Variants in SKIL observed in about 807,000 individuals in gnomAD.
The protein encoded by SKIL is ski-like protein.
Under a neutral mutation model 69.6 loss-of-function variants are expected in SKIL, and 20 were observed. The observed-to-expected ratio is 0.29, with a 90% CI of 0.20 to 0.42. The LOEUF is 0.42. SKIL is among the 10% of genes least tolerant of loss of function. The pLI is 1.00. For missense variants in SKIL, 745 were observed against 783.1 expected (o/e 0.95, Z 0.58); for synonymous variants, 310 against 279.9 (o/e 1.11, Z -1.08).
In SKIL at chr3:170,395,918, ATTT is replaced by A. The variant is rs34350658; in HGVS notation, c.*3509_*3511del. On this transcript the variant is annotated 3_prime_UTR_variant, in exon 7 of 7. Transcript: ENST00000259119. ...ATTGTGGAATTGAATAAACAGCCTAATTTTTTTTTTCTAGTATAGGGTACTTAA... is the reference window on the plus strand; with the variant it reads ...ATTGTGGAATTGAATAAACAGCCTAATTTTTTTCTAGTATAGGGTACTTAA... 2 of 149,364 alleles carry A rather than the reference ATTT, an allele frequency of 1.3e-5. No individual in the cohort carries two copies. The highest frequency in any genetic ancestry group is 1.5e-5 in the Non-Finnish European group (1 of 67,350). 9.3% of individuals were successfully genotyped at this position (149,364 alleles called of 1,614,324 possible).
At position 170,396,357 on chromosome 3, in the gene SKIL, AT is replaced by A. The variant is rs1265287085; in HGVS notation, c.*3944del. 4 of 152,206 alleles carry A rather than the reference AT, an allele frequency of 2.6e-5. No homozygotes were observed. The highest frequency in any genetic ancestry group is 9.6e-5 in the African/African-American group (4 of 41,544). 9.4% of individuals were successfully genotyped at this position (152,206 alleles called of 1,614,324 possible). A position where few individuals can be genotyped will look rare whatever the true frequency, so the allele number is the denominator to read the frequency against. On this transcript the variant is annotated 3_prime_UTR_variant, in exon 7 of 7. Coordinates refer to ENST00000259119, the MANE Select transcript of SKIL (RefSeq NM_005414.5). Reference sequence around the variant, plus strand: ...GAGGAATTAGTTTATGAGAAATAAAATTTTACTTGTTTTTACTATCCTGTTA... The same window carrying A: ...GAGGAATTAGTTTATGAGAAATAAAATTTACTTGTTTTTACTATCCTGTTA...
intron 2 of SKIL, among the ~76,000 whole-genome samples, chr3:170,378,261 C>A (rs551127279): frequency 6.6e-6 from 1 of 152,174 alleles, no homozygotes; most frequent in Non-Finnish European, 1.5e-5. Context: ...ATTCTAAGAG[C>A]GGTTTCCTTT....
In SKIL at chr3:170,394,196, G is replaced by A. The variant is rs1056940247; in HGVS notation, c.*1779G>A. ...GGCTGGAGTTCAGTGGTGCAATCTC[G>A]GCTCACTGCAAGCTCTGCCTCCTGG... On this transcript the variant is annotated 3_prime_UTR_variant, in exon 7 of 7. Transcript: ENST00000259119. The A allele has an allele frequency of 7.8e-6, 1 of 128,314 alleles. No individual in the cohort carries two copies. Among genetic ancestry groups the A allele is most frequent in the Non-Finnish European group, 1.5e-5 (1 of 65,000 alleles). The allele number at this position is 128,314 out of a possible 1,614,324, so 7.9% of individuals were successfully genotyped here. A position where few individuals can be genotyped will look rare whatever the true frequency, so the allele number is the denominator to read the frequency against.
chr3:170,386,670 G>C (rs1353401050), intron 4 of SKIL, among the ~76,000 whole-genome samples: 1 of 151,854 alleles, frequency 6.6e-6, no homozygotes, highest in African/African-American at 2.4e-5. Flanking sequence ...GGGTCTCACT[G>C]TATTGCCCAG....
chr3:170,358,751 C>T (rs1460142581), intron 1 of SKIL: 2 of 152,170 alleles, frequency 1.3e-5, no homozygotes, highest in African/African-American at 2.4e-5. Flanking sequence ...TTTCCCTCTT[C>T]CTCCATTTGC....
chr3:170,376,447 C>T (rs190033081), intron 2 of SKIL, among the ~76,000 whole-genome samples: 15 of 152,126 alleles, frequency 9.9e-5, no homozygotes, highest in Non-Finnish European at 1.5e-4. Flanking sequence ...ATGTTCTACC[C>T]GTTAAGCTAC....
At chr3:170,370,178 G>T (rs1736731783) in intron 2 of SKIL, among the ~76,000 whole-genome samples, 1 of 152,140 alleles carries the variant, frequency 6.6e-6, no homozygotes, top group African/African-American at 2.4e-5. Context: ...GGCGGAGCTT[G>T]CAGTGAGCCG....
At chr3:170,376,516 A>G (rs898327204) in intron 2 of SKIL, among the ~76,000 whole-genome samples, 1 of 152,204 alleles carries the variant, frequency 6.6e-6, no homozygotes, top group Non-Finnish European at 1.5e-5. Flanking sequence ...AAATGTCTGA[A>G]AAAGTTTTGA....
At position 170,381,141 on chromosome 3, in the gene SKIL, T is replaced by C. The variant is rs564562861; in HGVS notation, c.1099-103T>C. Reference sequence around the variant, plus strand: ...TGTGCGTGGCATGATGACTCTTAAATAATGTTAGTTGTCTTTACCCAGTGG... The same window carrying C: ...TGTGCGTGGCATGATGACTCTTAAACAATGTTAGTTGTCTTTACCCAGTGG... On this transcript the variant is annotated intron_variant, in intron 2 of 6. Coordinates refer to ENST00000259119, the MANE Select transcript of SKIL (RefSeq NM_005414.5). 8 of 703,596 alleles carry C rather than the reference T, an allele frequency of 1.1e-5. No homozygotes were observed. In the Admixed American group the frequency reaches 1.6e-4, roughly 14 times the overall value. The allele number at this position is 703,596 out of a possible 1,614,324, so 43.6% of individuals were successfully genotyped here.
At chr3:170,371,702 G>A (rs1736813549) in intron 2 of SKIL, among the ~76,000 whole-genome samples, 2 of 152,166 alleles carry the variant, frequency 1.3e-5, no homozygotes, top group African/African-American at 4.8e-5. Flanking sequence ...ATTTCTCCCA[G>A]TGATCGTACT....
intron 4 of SKIL, 78 bp from the exon 5 acceptor site, chr3:170,390,145 T>C: frequency 7.9e-6 from 8 of 1,008,836 alleles, no homozygotes; most frequent in Non-Finnish European, 1.2e-5. Flanking sequence ...TTTTAAAAAT[T>C]ACATTTATGG....
intron 2 of SKIL, among the ~76,000 whole-genome samples, chr3:170,380,090 T>G (rs556237683): frequency 6.6e-6 from 1 of 152,350 alleles, no homozygotes; most frequent in South Asian, 2.1e-4. Context: ...ACCTTTCTCC[T>G]TATTTTTCTT....
In SKIL at chr3:170,394,657, C is replaced by T. The variant is rs1738103448; in HGVS notation, c.*2240C>T. ...TAAAGAAATATTTTTTCTAGTCCTT[C>T]ATATATTGAAAACTTGCCACATGAC... On this transcript the variant is annotated 3_prime_UTR_variant, in exon 7 of 7. Transcript: ENST00000259119. The T allele has an allele frequency of 6.6e-6, 1 of 152,142 alleles. No homozygotes were observed. Among genetic ancestry groups the T allele is most frequent in the African/African-American group, 2.4e-5 (1 of 41,452 alleles). The allele number at this position is 152,142 out of a possible 1,614,324, so 9.4% of individuals were successfully genotyped here. A position where few individuals can be genotyped will look rare whatever the true frequency, so the allele number is the denominator to read the frequency against.
In SKIL at chr3:170,394,890, T is replaced by C. The variant is rs992563530; in HGVS notation, c.*2473T>C. On this transcript the variant is annotated 3_prime_UTR_variant, in exon 7 of 7. Coordinates refer to ENST00000259119, the MANE Select transcript of SKIL (RefSeq NM_005414.5). ...AAATACCTTATCCATATAAAACTTA[T>C]TCTATTCTTTGCATGCTTATTTTGT... 1.3e-5 allele frequency: 2 copies of C among 152,320 alleles called. No individual in the cohort carries two copies. The highest frequency in any genetic ancestry group is 2.4e-5 in the African/African-American group (1 of 41,574). 9.4% of individuals were successfully genotyped at this position (152,320 alleles called of 1,614,324 possible). A position where few individuals can be genotyped will look rare whatever the true frequency, so the allele number is the denominator to read the frequency against.
At chr3:170,390,168 A>AT in intron 4 of SKIL, 55 bp from the exon 5 acceptor site, 17 of 1,312,960 alleles carry the variant, frequency 1.3e-5, no homozygotes, top group South Asian at 1.1e-4. Flanking sequence ...TGTTCTAGTG[A>AT]TTTTTTTAAT....
At chr3:170,370,123 CAGCTACTCGGG>C (rs1736728528) in intron 2 of SKIL, among the ~76,000 whole-genome samples, 1 of 151,962 alleles carries the variant, frequency 6.6e-6, no homozygotes, top group Non-Finnish European at 1.5e-5. Flanking sequence ...CCTGTAGTCC[CAGCTACTCGGG>C]AGGCTGAGGC....
At chr3:170,386,395 G>T (rs563181732) in intron 4 of SKIL, among the ~76,000 whole-genome samples, 1 of 152,254 alleles carries the variant, frequency 6.6e-6, no homozygotes, top group Non-Finnish European at 1.5e-5. Flanking sequence ...CTCCCAAAGT[G>T]CTGGGATTAC....
intron 4 of SKIL, among the ~76,000 whole-genome samples, chr3:170,387,293 A>C (rs1326958039): frequency 6.6e-6 from 1 of 151,876 alleles, no homozygotes; most frequent in Non-Finnish European, 1.5e-5. Context: ...TGTTTTCATC[A>C]CTCCAAAAAT....
chr3:170,377,215 C>T (rs574241184), intron 2 of SKIL, among the ~76,000 whole-genome samples: 1 of 151,414 alleles, frequency 6.6e-6, no homozygotes, highest in South Asian at 2.1e-4. Flanking sequence ...AATATTAGTT[C>T]AAAATGTGAT....
Sources: gnomAD v4.1 joint callset for allele counts (sites outside exome capture counted in the v4.1 genomes callset) on GRCh38, gnomAD v4.1.1 for gene constraint, MANE v1.5 for transcripts, NCBI Gene and HGNC (gene_info 2026-07-23, HGNC 2026-07-21) for gene names.